C20orf96: variants seen among roughly 807,000 people sequenced by gnomAD.
The protein encoded by C20orf96 is chromosome 20 open reading frame 96.
C20orf96 carries 57 observed loss-of-function variants against 52.6 expected under a neutral mutation model. That is an observed-to-expected ratio of 1.08 (90% CI 0.88 to 1.35). The LOEUF (loss-of-function observed/expected upper bound fraction) is 1.35. C20orf96 is among the 40% of genes most tolerant of loss of function. The probability of loss-of-function intolerance (pLI) is 0.00; values close to 1 mark genes in which losing one functional copy is unlikely to be tolerated. For missense variants in C20orf96, 478 were observed against 443.6 expected, an observed-to-expected ratio of 1.08 and a Z score of -0.70; for synonymous variants, 168 against 157.2, an observed-to-expected ratio of 1.07 and a Z score of -0.51.
intron 10 of C20orf96, among the ~76,000 whole-genome samples, chr20:274,924 A>G (rs1342441241): frequency 6.6e-6 from 1 of 151,956 alleles, no homozygotes; most frequent in African/African-American, 2.4e-5. Flanking sequence ...GGTTCAAGCA[A>G]TTCTCTGCCT....
At chr20:273,510 T>C (rs1162423989) in intron 10 of C20orf96, among the ~76,000 whole-genome samples, 2 of 152,102 alleles carry the variant, frequency 1.3e-5, no homozygotes, top group Admixed American at 1.3e-4. Flanking sequence ...CATAGCTCCT[T>C]CACAGCTCAA....
chr20:277,013 C>A, intron 8 of C20orf96, 31 bp downstream of exon 8: 1 of 1,601,782 alleles, frequency 6.2e-7, no homozygotes, highest in Non-Finnish European at 8.5e-7. Flanking sequence ...AGACCTGGAT[C>A]CCCGCTCCCA....
intron 3 of C20orf96, 52 bp from the exon 4 acceptor site, chr20:284,133 G>A (rs779936560): frequency 7.0e-7 from 1 of 1,420,436 alleles, no homozygotes; most frequent in African/African-American, 1.4e-5. Context: ...CGGAAGGCCT[G>A]AGGCCAGGTT....
intron 2 of C20orf96, 89 bp from the exon 3 acceptor site, chr20:289,765 T>A: frequency 9.7e-7 from 1 of 1,029,718 alleles, no homozygotes; most frequent in Non-Finnish European, 1.5e-6. Flanking sequence ...AGCAAGTGAC[T>A]TGACCTCTCC....
intron 3 of C20orf96, 72 bp from the exon 4 acceptor site, chr20:284,153 G>A (rs2012323874): frequency 3.5e-6 from 4 of 1,144,842 alleles, no homozygotes; most frequent in South Asian, 1.2e-5. Flanking sequence ...TCCCGGGAGT[G>A]CACCATTAAT....
intron 3 of C20orf96, among the ~76,000 whole-genome samples, chr20:284,880 A>T (rs1188184654): frequency 6.6e-6 from 1 of 152,146 alleles, no homozygotes; most frequent in African/African-American, 2.4e-5. Context: ...ATAAAAATAA[A>T]TTTTTAAAAA....
rs781302933 is a variant in C20orf96 at position 279,298 on chromosome 20, T to C, written c.339A>G (p.Arg113=). 9 of 1,607,954 alleles carry C rather than the reference T, an allele frequency of 5.6e-6. No individual in the cohort carries two copies. Among genetic ancestry groups the C allele is most frequent in the Non-Finnish European group, 7.6e-6 (9 of 1,178,884 alleles). ...GGAAGTTCTCACGGCTTCGGAGCTC[T>C]CGCAGAGCGGCCCTCCCGCTCCTGA... ...TSLRSGRAAL[R]ELRSRENFLS... is the part of the protein sequence containing the mutation. Residue 113 remains arginine, a synonymous_variant, in exon 5 of 11, where the codon CGA becomes CGG. Coordinates refer to ENST00000360321, the MANE Select transcript of C20orf96 (RefSeq NM_153269.3).
intron 3 of C20orf96, among the ~76,000 whole-genome samples, chr20:286,848 C>T (rs1423880466): frequency 2.6e-5 from 4 of 152,210 alleles, no homozygotes; most frequent in Admixed American, 2.6e-4. Flanking sequence ...CCTGCAATCA[C>T]TAATCTGCTC....
chr20:280,854 G>A (rs775561500), intron 4 of C20orf96, among the ~76,000 whole-genome samples: 15 of 152,172 alleles, frequency 9.9e-5, no homozygotes, highest in South Asian at 4.1e-4. Flanking sequence ...GAGAACTGCC[G>A]TAAAATATAA....
chr20:273,939 G>GGAAA (rs1458528576), intron 10 of C20orf96, among the ~76,000 whole-genome samples: 1 of 110,650 alleles, frequency 9.0e-6, no homozygotes, highest in Non-Finnish European at 1.8e-5. Context: ...GGGAGGGAGG[G>GGAAA]GAAAGAAAGA....
chr20:280,106 T>C (rs1026004966), intron 4 of C20orf96, among the ~76,000 whole-genome samples: 2 of 152,098 alleles, frequency 1.3e-5, no homozygotes, highest in Non-Finnish European at 2.9e-5. Context: ...AGTCAATGAG[T>C]ACTCTCATTT....
At position 271,033 on chromosome 20, in the gene C20orf96, AG is replaced by A. The variant is rs1226315601; in HGVS notation, c.*173del. On this transcript the variant is annotated 3_prime_UTR_variant, in exon 11 of 11. Coordinates refer to ENST00000360321, the MANE Select transcript of C20orf96 (RefSeq NM_153269.3). ...GAGGAAGGAAGGAGGAGGGAAGGGAAGGGGGGAAGAAGGGAGGGAGGGAGGG... is the reference window on the plus strand; with the variant it reads ...GAGGAAGGAAGGAGGAGGGAAGGGAAGGGGGAAGAAGGGAGGGAGGGAGGG... 4.7e-6 allele frequency: 2 copies of A among 422,394 alleles called. No homozygotes were observed. The highest frequency in any genetic ancestry group is 4.7e-5 in the East Asian group (1 of 21,322). The allele number at this position is 422,394 out of a possible 1,614,324, so 26.2% of individuals were successfully genotyped here. A position where few individuals can be genotyped will look rare whatever the true frequency, so the allele number is the denominator to read the frequency against.
intron 2 of C20orf96, 29 bp downstream of exon 2, chr20:290,230 C>G: frequency 4.4e-6 from 7 of 1,580,782 alleles, no homozygotes; most frequent in Non-Finnish European, 6.1e-6. Context: ...GCGAGCCTCC[C>G]ACCCCAGCCC....
chr20:279,416 C>A (rs2012189476), intron 4 of C20orf96, 86 bp from the exon 5 acceptor site: 1 of 1,401,334 alleles, frequency 7.1e-7, no homozygotes, highest in Non-Finnish European at 9.3e-7. Flanking sequence ...CCGCCCCGGC[C>A]CCGCCAGACG....
Position 277,324 on chromosome 20 carries a change from T to G in C20orf96, c.625A>C (p.Asn209His). ...TGGTCCATGTAAGTGCTCAGGAAGT[T>G]CACTTCCTCCTGGGTCTTCTCAATC... The part of the protein sequence containing the change: ...AKIEKTQEEV[N>H]FLSTYMDHEY... The change falls in exon 7 of 11, where the codon AAC becomes CAC. Residue 209 changes from asparagine to histidine, a missense_variant. Transcript: ENST00000360321. 1 of 1,613,942 alleles carries G rather than the reference T, an allele frequency of 6.2e-7. No homozygotes were observed. Among genetic ancestry groups the G allele is most frequent in the Non-Finnish European group, 8.5e-7 (1 of 1,179,846 alleles).
chr20:271,101 CTG>C lies in C20orf96; in HGVS notation c.*104_*105del. 3.2e-6 allele frequency: 3 copies of C among 923,378 alleles called. No homozygotes were observed. The highest frequency in any genetic ancestry group is 1.4e-5 in the South Asian group (1 of 69,348). 57.2% of individuals were successfully genotyped at this position (923,378 alleles called of 1,614,324 possible). A position where few individuals can be genotyped will look rare whatever the true frequency, so the allele number is the denominator to read the frequency against. On this transcript the variant is annotated 3_prime_UTR_variant, in exon 11 of 11. Transcript: ENST00000360321. ...AGGAAGGGCAGAGGGAGCAGGGAGA[CTG>C]TAGATCAGGGTCTGAATGGAGATCC...
chr20:278,578 T>C (rs2012106084), intron 5 of C20orf96, 149 bp from the exon 6 acceptor site: 1 of 664,632 alleles, frequency 1.5e-6, no homozygotes, highest in Non-Finnish European at 2.7e-6. Context: ...TGTCCACCCA[T>C]AGGGTTGTTG....
At chr20:272,970 C>G (rs1297074761) in intron 10 of C20orf96, among the ~76,000 whole-genome samples, 1 of 152,204 alleles carries the variant, frequency 6.6e-6, no homozygotes, top group Non-Finnish European at 1.5e-5. Context: ...CAATCTCATC[C>G]CCATGCTCTT....
At chr20:274,002 G>C (rs2011932866) in intron 10 of C20orf96, among the ~76,000 whole-genome samples, 1 of 142,704 alleles carries the variant, frequency 7.0e-6, no homozygotes, top group South Asian at 2.3e-4. Flanking sequence ...GAGAAAGAAA[G>C]AAAGAAAAAG....
Sources: gnomAD v4.1 joint callset for allele counts (sites outside exome capture counted in the v4.1 genomes callset) on GRCh38, gnomAD v4.1.1 for gene constraint, MANE v1.5 for transcripts, NCBI Gene and HGNC (gene_info 2026-07-23, HGNC 2026-07-21) for gene names.